The following ATXN2 variants were observed in gnomAD, a reference collection of about 807,000 sequenced individuals.
ATXN2 encodes the protein ataxin 2, also known as ataxin-2.
A neutral mutation model predicts 138.6 loss-of-function variants in ATXN2; 37 were observed. The observed-to-expected ratio is 0.27, with a 90% CI of 0.21 to 0.35. The LOEUF (loss-of-function observed/expected upper bound fraction) is 0.35. ATXN2 is among the 10% of genes least tolerant of loss of function. The pLI is 1.00. For missense variants in ATXN2, 1,216 were observed against 1,480.3 expected (o/e 0.82, Z 2.93); for synonymous variants, 549 against 543.7 (o/e 1.01, Z -0.13).
chr12:111,457,228 G>A lies in ATXN2; in HGVS notation c.3028C>T (p.Pro1010Ser), dbSNP rs1346207562. 4 of 1,613,846 alleles carry A rather than the reference G, an allele frequency of 2.5e-6. No individual in the cohort carries two copies. The highest frequency in any genetic ancestry group is 2.5e-6 in the Non-Finnish European group (3 of 1,179,808). Residue 1010 changes from proline to serine, a missense_variant, in exon 22 of 25, where the codon CCC becomes TCC. Around this residue, in one of 4 missense-constraint regions of ATXN2, gnomAD observed 490 missense variants for 653.5 expected, o/e 0.75. Coordinates refer to ENST00000673436, the MANE Select transcript of ATXN2 (RefSeq NM_001372574.1). Reference protein sequence around the residue: ...QSQHGGSHPAPSPVQHHQHQA... With the variant: ...QSQHGGSHPASSPVQHHQHQA... ...GTTGCCCTTACCTGAACAGGACTGG[G>A]TGCAGGATGACTTCCACCATGTTGG...
intron 5 of ATXN2, among the ~76,000 whole-genome samples, chr12:111,539,322 T>TA (rs971832454): frequency 5.4e-5 from 8 of 147,904 alleles, no homozygotes; most frequent in African/African-American, 2.0e-4. Context: ...CGTCTCTACT[T>TA]AAAAAAGAAA....
At position 111,598,963 on chromosome 12, in the gene ATXN2, C is replaced by T. The variant is rs183549558; in HGVS notation, c.72G>A (p.Gln24=). The part of the protein sequence containing the change: ...QQQQQQQQQQ[Q]QQQQPPPAAA... Reference sequence around the variant, plus strand: ...CCGCGGGCGGCGGCTGCTGCTGCTGCTGCTGCTGCTGCTGTTGCTGCTGCT... The same window carrying T: ...CCGCGGGCGGCGGCTGCTGCTGCTGTTGCTGCTGCTGCTGTTGCTGCTGCT... Residue 24 remains glutamine, a synonymous_variant, in exon 1 of 25, where the codon CAG becomes CAA. Transcript: ENST00000673436. This position sits in a 1 kb window ranked among gnomAD's most constrained non-coding sequence, Gnocchi z 4.5. 3.3e-6 allele frequency: 5 copies of T among 1,502,486 alleles called. No homozygotes were observed. Among genetic ancestry groups the T allele is most frequent in the East Asian group, 2.7e-5 (1 of 37,724 alleles). 93.1% of individuals were successfully genotyped at this position (1,502,486 alleles called of 1,614,324 possible).
chr12:111,553,605 T>A (rs866533425), intron 3 of ATXN2, among the ~76,000 whole-genome samples: 7 of 34,736 alleles, frequency 2.0e-4, no homozygotes, highest in African/African-American at 1.5e-3. Context: ...AAAAAAAAAA[T>A]TTTTTTTTTT....
intron 5 of ATXN2, among the ~76,000 whole-genome samples, chr12:111,527,179 T>C (rs1880549297): frequency 6.6e-6 from 1 of 152,192 alleles, no homozygotes; most frequent in African/African-American, 2.4e-5. Context: ...GGAAACGCTC[T>C]GTAGATACAG....
intron 18 of ATXN2, chr12:111,471,577 T>C (rs1329410371): frequency 6.6e-6 from 1 of 152,224 alleles, no homozygotes; most frequent in East Asian, 1.9e-4. Context: ...ATATAGAACT[T>C]GTTCATAAAA....
At chr12:111,570,119 C>T (rs992076919) in intron 1 of ATXN2, among the ~76,000 whole-genome samples, 7 of 152,146 alleles carry the variant, frequency 4.6e-5, no homozygotes, top group African/African-American at 1.7e-4. Flanking sequence ...CCCATCTTCT[C>T]GAGTTCTCCA....
At chr12:111,565,267 G>C (rs1200466420) in intron 1 of ATXN2, among the ~76,000 whole-genome samples, 1 of 151,830 alleles carries the variant, frequency 6.6e-6, no homozygotes, top group African/African-American at 2.4e-5. Context: ...CTGCATTTTT[G>C]ACAAGCTGAC....
At chr12:111,576,887 G>T (rs1244521067) in intron 1 of ATXN2, among the ~76,000 whole-genome samples, 4 of 152,004 alleles carry the variant, frequency 2.6e-5, no homozygotes, top group African/African-American at 9.7e-5. Context: ...GAACCTGGGA[G>T]TCGGAGGTTG....
chr12:111,581,125 G>C (rs1290022926), intron 1 of ATXN2, among the ~76,000 whole-genome samples: 2 of 125,602 alleles, frequency 1.6e-5, no homozygotes, highest in African/African-American at 6.3e-5. Flanking sequence ...AACAGAGCGA[G>C]ACTCCATCTC....
intron 1 of ATXN2, among the ~76,000 whole-genome samples, chr12:111,577,873 G>A (rs1400211419): frequency 6.6e-6 from 1 of 151,836 alleles, no homozygotes; most frequent in Non-Finnish European, 1.5e-5. Flanking sequence ...CTGGAGCCCA[G>A]GAGTTCAACG....
chr12:111,563,687 A>G (rs1882825959), intron 1 of ATXN2, among the ~76,000 whole-genome samples: 1 of 152,194 alleles, frequency 6.6e-6, no homozygotes, highest in South Asian at 2.1e-4. Flanking sequence ...ATATCTTTGC[A>G]ATTTTTCTAA....
chr12:111,576,013 C>T (rs920634067), intron 1 of ATXN2, among the ~76,000 whole-genome samples: 17 of 151,874 alleles, frequency 1.1e-4, no homozygotes, highest in East Asian at 1.9e-4. Context: ...ACCTGGGAGG[C>T]GGAGGTTGCA....
intron 1 of ATXN2, among the ~76,000 whole-genome samples, chr12:111,595,008 GTAAC>G (rs1269127296): frequency 2.6e-5 from 4 of 152,198 alleles, no homozygotes; most frequent in African/African-American, 9.6e-5. Flanking sequence ...CAATAATCCA[GTAAC>G]TAACAAAAGC....
intron 21 of ATXN2, among the ~76,000 whole-genome samples, chr12:111,461,695 G>C (rs1875593588): frequency 6.6e-6 from 1 of 151,826 alleles, no homozygotes; most frequent in Non-Finnish European, 1.5e-5. Flanking sequence ...GGCCGAGGTA[G>C]GTGATCACGA....
chr12:111,596,228 A>G (rs1884934120), intron 1 of ATXN2, among the ~76,000 whole-genome samples: 1 of 151,840 alleles, frequency 6.6e-6, no homozygotes, highest in Non-Finnish European at 1.5e-5. Context: ...ACACACACAC[A>G]CACACACACA....
At chr12:111,540,861 A>C (rs1881461613) in intron 5 of ATXN2, among the ~76,000 whole-genome samples, 1 of 149,062 alleles carries the variant, frequency 6.7e-6, no homozygotes, top group South Asian at 2.1e-4. Context: ...TGCCTGACTA[A>C]TTTTTTTGTA....
At chr12:111,588,539 T>C (rs999369013) in intron 1 of ATXN2, among the ~76,000 whole-genome samples, 1 of 149,478 alleles carries the variant, frequency 6.7e-6, no homozygotes, top group Non-Finnish European at 1.5e-5. Context: ...GAAAAATCGC[T>C]TTAACCTGGG....
chr12:111,520,947 C>T lies in ATXN2; in HGVS notation c.723G>A (p.Met241Ile), dbSNP rs1432075101. Residue 241 changes from methionine (M) to isoleucine (I), a missense_variant, in exon 7 of 25, where the codon ATG becomes ATA. Met to Ile is a conservative substitution (Grantham distance 10). This residue lies in a region of ATXN2 where 401 missense variants were observed against 528.1 expected (regional missense o/e 0.76). Coordinates refer to ENST00000673436, the MANE Select transcript of ATXN2 (RefSeq NM_001372574.1). ...CATAATTTTCTTCATTATATCGAAA[C>T]ATATCATTGGGATCCCATCCATTAG... ...DVSNGWDPNDMFRYNEENYGV... is the reference protein window; with the variant it reads ...DVSNGWDPNDIFRYNEENYGV... 2 of 1,595,172 alleles carry T rather than the reference C, an allele frequency of 1.3e-6. No individual in the cohort carries two copies. The highest frequency in any genetic ancestry group is 1.7e-5 in the Admixed American group (1 of 58,806).
intron 1 of ATXN2, chr12:111,564,968 C>T (rs1882910321): frequency 6.6e-6 from 1 of 152,262 alleles, no homozygotes; most frequent in African/African-American, 2.4e-5. Context: ...AGTGATCCTC[C>T]TACCTCAGCC....
Sources: allele counts gnomAD v4.1 joint callset (sites outside exome capture counted in the v4.1 genomes callset), GRCh38; gene constraint gnomAD v4.1.1; regional missense constraint gnomAD v4.1.1; non-coding constraint Gnocchi (gnomAD v3.1); transcripts MANE v1.5; gene names NCBI Gene and HGNC (gene_info 2026-07-23, HGNC 2026-07-21).